Variants in ROBO2 observed in about 807,000 individuals in gnomAD.
ROBO2 encodes the protein roundabout homolog 2.
ROBO2 carries 53 observed loss-of-function variants against 160.8 expected under a neutral mutation model. The ratio of observed to expected loss-of-function variants is 0.33; its 90% CI spans 0.26 to 0.41. The LOEUF (loss-of-function observed/expected upper bound fraction) is 0.41, where lower values mean the gene tolerates loss of function less well. Among genes scored for constraint, ROBO2 ranks in the 10% least tolerant of loss-of-function variants. The pLI is 1.00. For missense variants in ROBO2, 1,577 were observed against 1,722.4 expected (o/e 0.92, Z 1.49); for synonymous variants, 664 against 611.7 (o/e 1.09, Z -1.26).
At chr3:77,537,446 A>C (rs775760) in intron 6 of ROBO2, among the ~76,000 whole-genome samples, 117,214 of 151,992 alleles carry the variant, frequency 0.77, 45,644 homozygotes, top group African/African-American at 0.86. Context: ...GAGACCTCTC[A>C]TGGGTGTAGA....
At chr3:77,277,129 C>T (rs1253710170) in intron 2 of ROBO2, among the ~76,000 whole-genome samples, 1 of 144,210 alleles carries the variant, frequency 6.9e-6, no homozygotes, top group African/African-American at 2.6e-5. Context: ...CCCTTCCTTC[C>T]TTCCTTTCTT....
chr3:76,695,052 C>T (rs986465634), intron 2 of ROBO2, among the ~76,000 whole-genome samples: 1 of 152,064 alleles, frequency 6.6e-6, no homozygotes, highest in Non-Finnish European at 1.5e-5. Flanking sequence ...TGCAGTGACC[C>T]GAGATAGTGC....
intron 3 of ROBO2, among the ~76,000 whole-genome samples, chr3:77,478,187 T>G (rs2084269414): frequency 6.6e-6 from 1 of 152,190 alleles, no homozygotes; most frequent in Non-Finnish European, 1.5e-5. Flanking sequence ...ACCTGAGTGT[T>G]AAAGTATAAA....
At chr3:76,797,369 T>C (rs2063779336) in intron 2 of ROBO2, among the ~76,000 whole-genome samples, 1 of 151,754 alleles carries the variant, frequency 6.6e-6, no homozygotes, top group African/African-American at 2.4e-5. Context: ...AAGAAAAAAA[T>C]TTACAAATTT....
intron 2 of ROBO2, among the ~76,000 whole-genome samples, chr3:76,247,154 A>C (rs1002536963): frequency 6.6e-6 from 1 of 152,130 alleles, no homozygotes; most frequent in Non-Finnish European, 1.5e-5. Flanking sequence ...TTGGAATCAC[A>C]CTTTTCCATT....
chr3:77,314,347 A>G (rs116805369), intron 2 of ROBO2, among the ~76,000 whole-genome samples: 55 of 152,310 alleles, frequency 3.6e-4, no homozygotes, highest in African/African-American at 1.3e-3. Flanking sequence ...TATTTTAAGT[A>G]TTGACTTTTT....
intron 2 of ROBO2, among the ~76,000 whole-genome samples, chr3:76,165,032 C>A (rs1180170818): frequency 6.7e-6 from 1 of 148,742 alleles, no homozygotes; most frequent in Non-Finnish European, 1.5e-5. Flanking sequence ...AATGTATAAA[C>A]CATATTTGAC....
intron 7 of ROBO2, among the ~76,000 whole-genome samples, chr3:77,549,552 C>T (rs938066692): frequency 5.9e-5 from 9 of 152,010 alleles, no homozygotes; most frequent in African/African-American, 1.2e-4. Context: ...TCGTTTTAGA[C>T]GGAGTTTAAT....
At chr3:76,689,409 T>A (rs1460565652) in intron 2 of ROBO2, among the ~76,000 whole-genome samples, 1 of 152,122 alleles carries the variant, frequency 6.6e-6, no homozygotes, top group African/African-American at 2.4e-5. Flanking sequence ...CTCAGACTTC[T>A]CCAATCCACT....
chr3:76,736,283 A>AAAAATAAAATAAAAT (rs61262841), intron 2 of ROBO2, among the ~76,000 whole-genome samples: 40,410 of 119,316 alleles, frequency 0.34, 8,408 homozygotes, highest in East Asian at 0.53. Context: ...CTCCGTCTCA[A>AAAAATAAAATAAAAT]AAAATAAAAT....
At chr3:77,605,542 C>T (rs1393740897) in intron 20 of ROBO2, among the ~76,000 whole-genome samples, 1 of 152,116 alleles carries the variant, frequency 6.6e-6, no homozygotes, top group Non-Finnish European at 1.5e-5. Context: ...GATAGAAAGC[C>T]CTCACATATT....
At chr3:77,196,844 T>C (rs1179319297) in intron 2 of ROBO2, among the ~76,000 whole-genome samples, 1 of 151,978 alleles carries the variant, frequency 6.6e-6, no homozygotes, top group African/African-American at 2.4e-5. Context: ...AGGAAATAGA[T>C]TTAACTGATT....
At chr3:77,214,570 C>T (rs778206427) in intron 2 of ROBO2, among the ~76,000 whole-genome samples, 1 of 152,228 alleles carries the variant, frequency 6.6e-6, no homozygotes, top group Non-Finnish European at 1.5e-5. Context: ...GAGCATTTAG[C>T]CCCTTTACAT....
intron 2 of ROBO2, among the ~76,000 whole-genome samples, chr3:76,642,071 T>C (rs923015526): frequency 6.6e-6 from 1 of 152,142 alleles, no homozygotes; most frequent in Non-Finnish European, 1.5e-5. Flanking sequence ...CTCCATGTAC[T>C]ATTTTTGCAA....
intron 2 of ROBO2, among the ~76,000 whole-genome samples, chr3:76,150,039 T>G (rs1024012236): frequency 1.4e-5 from 2 of 141,372 alleles, no homozygotes; most frequent in East Asian, 4.5e-4. Context: ...ATCACACATC[T>G]GTCTAAAGCA....
intron 17 of ROBO2, among the ~76,000 whole-genome samples, chr3:77,592,527 C>A (rs1332646073): frequency 1.3e-5 from 2 of 151,730 alleles, no homozygotes; most frequent in Non-Finnish European, 2.9e-5. Flanking sequence ...AACTTTAATG[C>A]ATTATGTGTG....
intron 2 of ROBO2, among the ~76,000 whole-genome samples, chr3:76,185,215 T>TATATAGATATATATATATATATATACAC: frequency 4.4e-5 from 4 of 90,282 alleles, no homozygotes; most frequent in Non-Finnish European, 6.9e-5. Flanking sequence ...TATATATATA[T>TATATAGATATATATATATATATATACAC]ACACACACAA....
exon 22 of ROBO2, chr3:77,617,548 T>G: frequency 6.2e-7 from 1 of 1,614,172 alleles, no homozygotes; most frequent in Non-Finnish European, 8.5e-7. Context: ...CCATTGCCAG[T>G]ACAAACTTAC....
At chr3:77,234,606 T>C (rs1025537249) in intron 2 of ROBO2, among the ~76,000 whole-genome samples, 1 of 152,198 alleles carries the variant, frequency 6.6e-6, no homozygotes, top group African/African-American at 2.4e-5. Context: ...AGAAGGAAAC[T>C]ACTTAAAAGA....
Sources: gnomAD v4.1 joint callset for allele counts (sites outside exome capture counted in the v4.1 genomes callset) on GRCh38, gnomAD v4.1.1 for gene constraint, MANE v1.5 for transcripts, NCBI Gene and HGNC (gene_info 2026-07-23, HGNC 2026-07-21) for gene names.